Variants in SHISA6 observed in about 807,000 individuals in gnomAD.
The protein encoded by SHISA6 is protein shisa-6.
In SHISA6, 22 loss-of-function variants were observed where a neutral mutation model predicts 47.9. That is an observed-to-expected ratio of 0.46 (90% CI 0.33 to 0.66). The LOEUF is 0.66. SHISA6 is among the 30% of genes least tolerant of loss of function. The probability of loss-of-function intolerance (pLI) is 0.02; values close to 1 mark genes in which losing one functional copy is unlikely to be tolerated. For missense variants in SHISA6, 680 were observed against 764.6 expected, an observed-to-expected ratio of 0.89 and a Z score of 1.30; for synonymous variants, 388 against 337.8, an observed-to-expected ratio of 1.15 and a Z score of -1.63.
At chr17:11,339,061 G>A (rs375452256) in intron 2 of SHISA6, among the ~76,000 whole-genome samples, 11 of 150,574 alleles carry the variant, frequency 7.3e-5, no homozygotes, top group Admixed American at 6.0e-4. Context: ...AATCCAAAAT[G>A]TGTGTAGTAC....
intron 2 of SHISA6, among the ~76,000 whole-genome samples, chr17:11,332,840 G>A (rs77773845): frequency 0.016 from 2,403 of 152,228 alleles, 77 homozygotes; most frequent in East Asian, 0.096. Flanking sequence ...AACCCGTCAT[G>A]TGATATTCCA....
chr17:11,242,010 G>A lies in SHISA6; in HGVS notation c.588G>A (p.Lys196=). The A allele has an allele frequency of 1.3e-6, 2 of 1,551,046 alleles. No homozygotes were observed. Among genetic ancestry groups the A allele is most frequent in the Non-Finnish European group, 1.7e-6 (2 of 1,147,012 alleles). ...AFVIVAGVFA[K]VSYDKAHRPP... Reference sequence around the variant, plus strand: ...TCATCGTGGCCGGCGTCTTCGCCAAGGTCTCCTACGACAAGGCCCACCGCC... The same window carrying A: ...TCATCGTGGCCGGCGTCTTCGCCAAAGTCTCCTACGACAAGGCCCACCGCC... Residue 196 remains lysine, a synonymous_variant, in exon 1 of 6, where the codon AAG becomes AAA. Transcript: ENST00000441885.
In SHISA6 at chr17:11,299,845, A is replaced by G. The variant is rs76447970; in HGVS notation, c.799+36319A>G. On this transcript the variant is annotated intron_variant, in intron 2 of 5. Transcript: ENST00000441885. ...TCCCACTTGCAAGGTTCCTTTTGCC[A>G]TGAAAAGCAACACCTTCAGGTCAGG... Among the ~76,000 whole-genome samples, 720 of 152,254 alleles carry G rather than the reference A, an allele frequency of 4.7e-3. 4 individuals carry two copies. The highest frequency in any genetic ancestry group is 0.016 in the African/African-American group (653 of 41,556).
At chr17:11,556,992 T>A (rs1422935887) in intron 5 of SHISA6, among the ~76,000 whole-genome samples, 1 of 152,168 alleles carries the variant, frequency 6.6e-6, no homozygotes, top group Non-Finnish European at 1.5e-5. Context: ...TAGGAGGGCC[T>A]GCTGGATAGA....
intron 3 of SHISA6, among the ~76,000 whole-genome samples, chr17:11,525,660 A>AC (rs2071672292): frequency 1.0e-4 from 15 of 149,350 alleles, no homozygotes; most frequent in Non-Finnish European, 5.9e-5. Context: ...AACAAAAAAA[A>AC]AAAAACGTGT....
chr17:11,395,217 G>A (rs866530183), intron 3 of SHISA6, among the ~76,000 whole-genome samples: 6 of 151,514 alleles, frequency 4.0e-5, no homozygotes, highest in African/African-American at 1.5e-4. Flanking sequence ...TACAATACCA[G>A]TACATAATCT....
intron 3 of SHISA6, among the ~76,000 whole-genome samples, chr17:11,505,513 T>G (rs938946528): frequency 6.6e-6 from 1 of 152,170 alleles, no homozygotes; most frequent in Non-Finnish European, 1.5e-5. Flanking sequence ...GTAAACATAG[T>G]CTAGAATACA....
At chr17:11,501,240 G>A (rs867555599) in intron 3 of SHISA6, among the ~76,000 whole-genome samples, 30 of 152,006 alleles carry the variant, frequency 2.0e-4, no homozygotes, top group African/African-American at 7.3e-4. Context: ...AGCCTCCGGA[G>A]TAGCTGGGAT....
At chr17:11,467,681 G>A (rs2142318938) in intron 3 of SHISA6, among the ~76,000 whole-genome samples, 1 of 152,292 alleles carries the variant, frequency 6.6e-6, no homozygotes, top group Middle Eastern at 3.4e-3. Flanking sequence ...TTTGGGGAGT[G>A]AGAATACATA....
intron 3 of SHISA6, among the ~76,000 whole-genome samples, chr17:11,525,994 C>T (rs115951779): frequency 0.011 from 1,664 of 146,476 alleles, 44 homozygotes; most frequent in African/African-American, 0.039. Context: ...GGGCAACAAG[C>T]GAGACCCTAT....
At chr17:11,346,095 T>A (rs1334447255) in intron 2 of SHISA6, among the ~76,000 whole-genome samples, 1 of 152,178 alleles carries the variant, frequency 6.6e-6, no homozygotes, top group Non-Finnish European at 1.5e-5. Context: ...TTTTCATAGA[T>A]GCTCTTTGCA....
intron 3 of SHISA6, among the ~76,000 whole-genome samples, chr17:11,465,244 C>T (rs969008194): frequency 1.4e-4 from 22 of 152,182 alleles, no homozygotes; most frequent in African/African-American, 4.3e-4. Context: ...CTACTGAATC[C>T]TACAAGGCCA....
chr17:11,256,388 C>G (rs1050269527), intron 1 of SHISA6, among the ~76,000 whole-genome samples: 3 of 152,090 alleles, frequency 2.0e-5, no homozygotes, highest in Non-Finnish European at 2.9e-5. Context: ...CCCAGCTACT[C>G]GGGAAGCTGA....
At chr17:11,440,483 G>T (rs1231439995) in intron 3 of SHISA6, among the ~76,000 whole-genome samples, 1 of 151,766 alleles carries the variant, frequency 6.6e-6, no homozygotes, top group Non-Finnish European at 1.5e-5. Flanking sequence ...AGAACCAGGG[G>T]AGTATGGGAC....
intron 3 of SHISA6, among the ~76,000 whole-genome samples, chr17:11,514,143 A>G (rs746410225): frequency 1.3e-5 from 2 of 152,100 alleles, no homozygotes; most frequent in African/African-American, 2.4e-5. Context: ...CTCTTCGTGG[A>G]CGGCCCTATT....
intron 2 of SHISA6, among the ~76,000 whole-genome samples, chr17:11,369,564 G>A (rs1912556862): frequency 6.6e-6 from 1 of 152,214 alleles, no homozygotes; most frequent in South Asian, 2.1e-4. Flanking sequence ...TGCATCTGCA[G>A]GGTGACAAGA....
chr17:11,366,710 G>T (rs1912462860), intron 2 of SHISA6, among the ~76,000 whole-genome samples: 1 of 152,122 alleles, frequency 6.6e-6, no homozygotes, highest in Non-Finnish European at 1.5e-5. Flanking sequence ...TCGTCCTGAT[G>T]GGCCTTGCTG....
At chr17:11,493,318 C>A (rs113120769) in intron 3 of SHISA6, among the ~76,000 whole-genome samples, 1 of 152,128 alleles carries the variant, frequency 6.6e-6, no homozygotes, top group Non-Finnish European at 1.5e-5. Context: ...GTATCCACCA[C>A]GGAGTTCAAG....
At chr17:11,508,028 T>G (rs2071514847) in intron 3 of SHISA6, among the ~76,000 whole-genome samples, 1 of 152,202 alleles carries the variant, frequency 6.6e-6, no homozygotes, top group Non-Finnish European at 1.5e-5. Flanking sequence ...GAAACTACTT[T>G]CAGACACACC....
Sources: allele counts gnomAD v4.1 joint callset (sites outside exome capture counted in the v4.1 genomes callset), GRCh38; gene constraint gnomAD v4.1.1; transcripts MANE v1.5; gene names NCBI Gene and HGNC (gene_info 2026-07-23, HGNC 2026-07-21).